The following CACNA2D4 variants were observed in gnomAD, a reference collection of about 807,000 sequenced individuals.
The protein encoded by CACNA2D4 is voltage-dependent calcium channel subunit alpha-2/delta-4.
In CACNA2D4, 157 loss-of-function variants were observed where a neutral mutation model predicts 163.8. The observed-to-expected ratio is 0.96, with a 90% CI of 0.84 to 1.09. The LOEUF (loss-of-function observed/expected upper bound fraction) is 1.09, where lower values mean the gene tolerates loss of function less well. CACNA2D4 is among the 50% of genes least tolerant of loss of function. The pLI, the probability that CACNA2D4 is intolerant of heterozygous loss-of-function variation, is 0.00. For missense variants in CACNA2D4, 1,410 were observed against 1,479.9 expected, an observed-to-expected ratio of 0.95 and a Z score of 0.78; for synonymous variants, 598 against 586.9, an observed-to-expected ratio of 1.02 and a Z score of -0.27.
At chr12:1,897,667 C>G (rs976041445) in intron 6 of CACNA2D4, among the ~76,000 whole-genome samples, 4 of 152,126 alleles carry the variant, frequency 2.6e-5, no homozygotes, top group Admixed American at 2.6e-4. Context: ...GCTAAAATGA[C>G]AGAAAGTTCG....
intron 26 of CACNA2D4, among the ~76,000 whole-genome samples, chr12:1,822,377 C>T (rs1432156902): frequency 6.6e-6 from 1 of 152,062 alleles, no homozygotes; most frequent in East Asian, 1.9e-4. Context: ...AAGGAGCCAG[C>T]ATAGAGGCTG....
At chr12:1,877,112 T>C (rs16928861) in intron 16 of CACNA2D4, among the ~76,000 whole-genome samples, 1,639 of 152,358 alleles carry the variant, frequency 0.011, 25 homozygotes, top group African/African-American at 0.037. Context: ...GTTTCATTTG[T>C]GTAAGTCTAG....
chr12:1,826,682 C>T (rs961791291), intron 26 of CACNA2D4, among the ~76,000 whole-genome samples: 6 of 148,548 alleles, frequency 4.0e-5, no homozygotes, highest in Middle Eastern at 3.6e-3. Context: ...GGCGGCACTC[C>T]GCTCCTCAGC....
intron 37 of CACNA2D4, among the ~76,000 whole-genome samples, chr12:1,794,381 C>T (rs1452774136): frequency 6.6e-6 from 1 of 152,238 alleles, no homozygotes; most frequent in Non-Finnish European, 1.5e-5. Context: ...ACCCCACTCT[C>T]TGGACACCAA....
In CACNA2D4 at chr12:1,833,710, C is replaced by T. The variant is rs924252711; in HGVS notation, c.2551+7029G>A. On this transcript the variant is annotated intron_variant, in intron 26 of 37. Transcript: ENST00000382722. The surrounding 1 kb of genome is among the most constrained non-coding windows in gnomAD (Gnocchi z 4.2). ...AGGGAGCTGCCCATTCTTAGGCAAC[C>T]AAAAGGTCTTGCGTGGAGGGGCAGC... is the stretch of plus-strand genomic sequence containing the variant. Among the ~76,000 whole-genome samples, 2 of 152,182 alleles carry T rather than the reference C, an allele frequency of 1.3e-5. No individual in the cohort carries two copies. The highest frequency in any genetic ancestry group is 2.9e-5 in the Non-Finnish European group (2 of 68,024).
At chr12:1,890,675 A>T (rs1418067933) in intron 6 of CACNA2D4, among the ~76,000 whole-genome samples, 1 of 152,094 alleles carries the variant, frequency 6.6e-6, no homozygotes, top group African/African-American at 2.4e-5. Flanking sequence ...GGGCCAAGGG[A>T]TCACCCCACC....
At chr12:1,864,297 G>A (rs1865593139) in intron 18 of CACNA2D4, among the ~76,000 whole-genome samples, 1 of 152,234 alleles carries the variant, frequency 6.6e-6, no homozygotes, top group African/African-American at 2.4e-5. Context: ...GAATGACAAT[G>A]GAGCCAGTGC....
chr12:1,813,128 C>T (rs1389941042), intron 26 of CACNA2D4, among the ~76,000 whole-genome samples: 3 of 152,176 alleles, frequency 2.0e-5, no homozygotes, highest in African/African-American at 4.8e-5. Flanking sequence ...CACGGTTCTA[C>T]TTCCCCTGGA....
At chr12:1,906,652 G>A (rs1866665866) in intron 6 of CACNA2D4, among the ~76,000 whole-genome samples, 1 of 152,182 alleles carries the variant, frequency 6.6e-6, no homozygotes, top group South Asian at 2.1e-4. Context: ...CTGCTGCATG[G>A]AAGAAGGATA....
At position 1,834,442 on chromosome 12, in the gene CACNA2D4, G is replaced by A. The variant is rs1414489345; in HGVS notation, c.2551+6297C>T. Reference sequence around the variant, plus strand: ...CCAAGGCCAGTCCAGAGCCTGCTAAGCCCAAGCCCGGGGCTGAGCCGGAGC... The same window carrying A: ...CCAAGGCCAGTCCAGAGCCTGCTAAACCCAAGCCCGGGGCTGAGCCGGAGC... On this transcript the variant is annotated intron_variant, in intron 26 of 37. Coordinates refer to ENST00000382722, the MANE Select transcript of CACNA2D4 (RefSeq NM_172364.5). The surrounding 1 kb of genome is among the most constrained non-coding windows in gnomAD (Gnocchi z 7.6). The A allele has an allele frequency of 1.2e-6, 2 of 1,612,306 alleles. No homozygotes were observed. Among genetic ancestry groups the A allele is most frequent in the East Asian group, 4.5e-5 (2 of 44,892 alleles).
chr12:1,824,531 C>T (rs945690663), intron 26 of CACNA2D4, among the ~76,000 whole-genome samples: 1 of 152,200 alleles, frequency 6.6e-6, no homozygotes, highest in South Asian at 2.1e-4. Context: ...TCTTTGGCCT[C>T]CCTGTCTCTA....
At position 1,797,460 on chromosome 12, in the gene CACNA2D4, A is replaced by C; in HGVS notation, c.3071T>G (p.Ile1024Ser). The change falls in exon 35 of 38, where the codon ATC becomes AGC. Residue 1024 changes from isoleucine to serine, a missense_variant. Coordinates refer to ENST00000382722, the MANE Select transcript of CACNA2D4 (RefSeq NM_172364.5). ...EYPVFVYQPA[I>S]REANGIVECG... ...CTCCACGATCCCGTTGGCCTCCCGGATGGCCGGCTGGTACACGAACACGGG... is the reference window on the plus strand; with the variant it reads ...CTCCACGATCCCGTTGGCCTCCCGGCTGGCCGGCTGGTACACGAACACGGG... 1 of 1,582,542 alleles carries C rather than the reference A, an allele frequency of 6.3e-7. No homozygotes were observed. Among genetic ancestry groups the C allele is most frequent in the Non-Finnish European group, 8.6e-7 (1 of 1,167,820 alleles).
intron 23 of CACNA2D4, among the ~76,000 whole-genome samples, chr12:1,849,467 A>T (rs1462440383): frequency 1.3e-5 from 2 of 152,242 alleles, no homozygotes; most frequent in Non-Finnish European, 2.9e-5. Context: ...TTACAATTCT[A>T]AAGCCCCTTG....
rs757883899 is a variant in CACNA2D4 at position 1,907,621 on chromosome 12, T to C, written c.650-50A>G. 1.2e-5 allele frequency: 18 copies of C among 1,556,140 alleles called. No individual in the cohort carries two copies. In the African/African-American group the frequency reaches 1.9e-4, roughly 16 times the overall value. On this transcript the variant is annotated intron_variant, in intron 5 of 37. Coordinates refer to ENST00000382722, the MANE Select transcript of CACNA2D4 (RefSeq NM_172364.5). ...GATCCTGTAGAACTTCTCAGGAAAA[T>C]GGTGATCATGCCCGGTGAGGGTGCC...
rs367865870 is a variant in CACNA2D4, at chr12:1,885,126, T to C, written c.1069-50A>G. 4.4e-5 allele frequency: 64 copies of C among 1,456,366 alleles called. No homozygotes were observed. The Middle Eastern group carries it at 7.3e-4, about 17-fold the overall frequency. The allele number at this position is 1,456,366 out of a possible 1,614,324, so 90.2% of individuals were successfully genotyped here. On this transcript the variant is annotated intron_variant, in intron 9 of 37. Coordinates refer to ENST00000382722, the MANE Select transcript of CACNA2D4 (RefSeq NM_172364.5). ...AGCATCAGGGGGTTGAGTGGGCCAG[T>C]GGAGCTTCATGTTTGGTGTTAATTT... is the stretch of plus-strand genomic sequence containing the variant.
chr12:1,838,613 G>A (rs903357097), intron 26 of CACNA2D4, among the ~76,000 whole-genome samples: 2 of 152,212 alleles, frequency 1.3e-5, no homozygotes, highest in Non-Finnish European at 2.9e-5. Flanking sequence ...ATTGTCTGCA[G>A]TGAGTTAAAC....
chr12:1,814,194 A>G (rs1863803902), intron 26 of CACNA2D4, among the ~76,000 whole-genome samples: 1 of 152,156 alleles, frequency 6.6e-6, no homozygotes, highest in South Asian at 2.1e-4. Flanking sequence ...GTCAAGTCGC[A>G]TAGAATCATG....
rs1391980624 is a variant in CACNA2D4 at position 1,918,285 on chromosome 12, C to T, written c.189G>A (p.Leu63=). 1 of 1,609,850 alleles carries T rather than the reference C, an allele frequency of 6.2e-7. No individual in the cohort carries two copies. Among genetic ancestry groups the T allele is most frequent in the Non-Finnish European group, 8.5e-7 (1 of 1,178,240 alleles). ...LLWLLLLGTS[L]SPAWGQAKIP... is the part of the protein sequence containing the mutation. ...TCTTGGCCTGTCCCCACGCAGGGGACAGGGAGGTGCCTAGAAGCAGCAGCC... is the reference window on the plus strand; with the variant it reads ...TCTTGGCCTGTCCCCACGCAGGGGATAGGGAGGTGCCTAGAAGCAGCAGCC... The change falls in exon 1 of 38, where the codon CTG becomes CTA. Residue 63 remains leucine, a synonymous_variant. Transcript: ENST00000382722.
intron 26 of CACNA2D4, among the ~76,000 whole-genome samples, chr12:1,830,102 A>G (rs181157428): frequency 6.6e-6 from 1 of 152,254 alleles, no homozygotes. Context: ...GCCATTGTGC[A>G]GGAATGCTGC....
Sources: allele counts gnomAD v4.1 joint callset (sites outside exome capture counted in the v4.1 genomes callset), GRCh38; gene constraint gnomAD v4.1.1; non-coding constraint Gnocchi (gnomAD v3.1); transcripts MANE v1.5; gene names NCBI Gene and HGNC (gene_info 2026-07-23, HGNC 2026-07-21).